ERBB4: variants seen among roughly 807,000 people sequenced by gnomAD.
ERBB4 encodes erb-b2 receptor tyrosine kinase 4, also known as receptor tyrosine-protein kinase erbB-4.
ERBB4 carries 42 observed loss-of-function variants against 158.0 expected under a neutral mutation model. That is an observed-to-expected ratio of 0.27 (90% CI 0.21 to 0.34). The LOEUF is 0.34. ERBB4 is among the 10% of genes least tolerant of loss of function. ERBB4 has a pLI of 1.00. For missense variants in ERBB4, 1,333 were observed against 1,624.1 expected, an observed-to-expected ratio of 0.82 and a Z score of 3.08; for synonymous variants, 583 against 558.7, an observed-to-expected ratio of 1.04 and a Z score of -0.61.
At chr2:211,593,339 A>G (rs1436064143) in intron 19 of ERBB4, among the ~76,000 whole-genome samples, 1 of 152,180 alleles carries the variant, frequency 6.6e-6, no homozygotes, top group Non-Finnish European at 1.5e-5. Context: ...TATTAACAGA[A>G]AGTGGAAACG....
At chr2:212,297,557 C>T (rs2106197960) in intron 1 of ERBB4, among the ~76,000 whole-genome samples, 1 of 151,926 alleles carries the variant, frequency 6.6e-6, no homozygotes, top group East Asian at 1.9e-4. Flanking sequence ...CTAATATTTT[C>T]ATTTTGCAAA....
chr2:212,348,535 C>T (rs925644224), intron 1 of ERBB4, among the ~76,000 whole-genome samples: 1 of 152,096 alleles, frequency 6.6e-6, no homozygotes, highest in Non-Finnish European at 1.5e-5. Flanking sequence ...AAATTCGTAA[C>T]ACATCGTCAC....
chr2:212,249,458 T>TAAAAAAAA (rs1367516706), intron 1 of ERBB4, among the ~76,000 whole-genome samples: 1 of 100,848 alleles, frequency 9.9e-6, no homozygotes, highest in African/African-American at 3.7e-5. Flanking sequence ...GGTTGAAACA[T>TAAAAAAAA]ACAATTAGCT....
chr2:212,200,784 A>C (rs887698222), intron 1 of ERBB4, among the ~76,000 whole-genome samples: 1 of 152,184 alleles, frequency 6.6e-6, no homozygotes, highest in East Asian at 1.9e-4. Context: ...GGAAAATCCA[A>C]AAGGAAATAT....
chr2:211,426,363 T>G (rs1420581512), intron 22 of ERBB4, among the ~76,000 whole-genome samples: 1 of 152,152 alleles, frequency 6.6e-6, no homozygotes, highest in African/African-American at 2.4e-5. Context: ...CTAGTGAGAA[T>G]TTTCCATAAA....
At chr2:211,758,078 C>T (rs541301896) in intron 4 of ERBB4, among the ~76,000 whole-genome samples, 16 of 152,202 alleles carry the variant, frequency 1.1e-4, no homozygotes, top group South Asian at 2.1e-4. Flanking sequence ...CTAAGATTGT[C>T]GATTATCACT....
chr2:211,510,510 C>A (rs1243503131), intron 20 of ERBB4, among the ~76,000 whole-genome samples: 1 of 152,084 alleles, frequency 6.6e-6, no homozygotes, highest in Non-Finnish European at 1.5e-5. Context: ...GTGCCATTGA[C>A]TCTTTAGATG....
chr2:211,772,884 T>C (rs867303172), intron 4 of ERBB4, among the ~76,000 whole-genome samples: 66 of 83,016 alleles, frequency 8.0e-4, no homozygotes, highest in East Asian at 4.0e-3. Flanking sequence ...TATATATATA[T>C]ACACACACAC....
At chr2:211,600,603 C>T (rs7556879) in intron 19 of ERBB4, among the ~76,000 whole-genome samples, 122,067 of 152,060 alleles carry the variant, frequency 0.8, 50,001 homozygotes, top group Non-Finnish European at 0.88. Context: ...GTAAATATCT[C>T]TTTATTCAGA....
At position 211,379,554 on chromosome 2, in the gene ERBB4, T is replaced by C. The variant is rs893214046; in HGVS notation, c.*4061A>G. On this transcript the variant is annotated 3_prime_UTR_variant, in exon 28 of 28. Transcript: ENST00000342788. ...CTATGCAAAATCCATCCTACATTTT[T>C]ATATCCTGCATTTAACTTTGTTACA... 4.3e-6 allele frequency: 1 copy of C among 231,010 alleles called. No individual in the cohort carries two copies. The highest frequency in any genetic ancestry group is 2.2e-5 in the African/African-American group (1 of 45,242). 14.3% of individuals were successfully genotyped at this position (231,010 alleles called of 1,614,324 possible).
intron 1 of ERBB4, among the ~76,000 whole-genome samples, chr2:212,302,960 G>A (rs1219367793): frequency 1.3e-5 from 2 of 151,436 alleles, no homozygotes; most frequent in African/African-American, 2.4e-5. Flanking sequence ...GAAAGAGGGG[G>A]AGGAGAAAGA....
Position 212,133,396 on chromosome 2 carries a change from G to GTTTTTTTTTTTT in ERBB4, c.83-8494_83-8493insAAAAAAAAAAAA, listed in dbSNP as rs575131971. 2.9e-5 allele frequency among the ~76,000 whole-genome samples: 4 copies of GTTTTTTTTTTTT among 137,138 alleles called. 1 individual carries two copies. Among genetic ancestry groups the GTTTTTTTTTTTT allele is most frequent in the African/African-American group, 1.2e-4 (4 of 33,848 alleles). The allele number at this position is 137,138 out of a possible 152,430, so 90.0% of individuals were successfully genotyped here. ...TGTTCTGCTTTCTTTTCATTTTGGT[G>GTTTTTTTTTTTT]TTTTTTTTTTGTTTTGTTTTGTTTT... is the stretch of plus-strand genomic sequence containing the variant. On this transcript the variant is annotated intron_variant, in intron 1 of 27. Coordinates refer to ENST00000342788, the MANE Select transcript of ERBB4 (RefSeq NM_005235.3).
intron 3 of ERBB4, among the ~76,000 whole-genome samples, chr2:211,795,378 G>C (rs901174056): frequency 4.0e-5 from 6 of 151,716 alleles, no homozygotes; most frequent in African/African-American, 1.5e-4. Flanking sequence ...TCGCATAGTT[G>C]CTTCTATTAT....
chr2:211,920,334 A>G (rs746381759), intron 3 of ERBB4, among the ~76,000 whole-genome samples: 1 of 151,932 alleles, frequency 6.6e-6, no homozygotes, highest in Non-Finnish European at 1.5e-5. Context: ...TTTGCTATAT[A>G]GTTTTATTTT....
At chr2:212,426,183 A>T in intron 1 of ERBB4, 1 of 452,576 alleles carries the variant, frequency 2.2e-6, no homozygotes, top group Non-Finnish European at 4.3e-6. Flanking sequence ...ATCACTCTTT[A>T]TAGAAGGCTC....
chr2:212,174,243 C>T (rs1452896399), intron 1 of ERBB4, among the ~76,000 whole-genome samples: 1 of 152,026 alleles, frequency 6.6e-6, no homozygotes, highest in East Asian at 1.9e-4. Flanking sequence ...GATTTTTCAG[C>T]TTAATGCTAT....
intron 1 of ERBB4, among the ~76,000 whole-genome samples, chr2:212,498,983 A>T (rs1234286233): frequency 6.6e-6 from 1 of 152,042 alleles, no homozygotes; most frequent in Non-Finnish European, 1.5e-5. Context: ...AACCCACAGC[A>T]GGGTCATGGC....
At chr2:211,671,975 CT>C (rs1227949930) in intron 14 of ERBB4, among the ~76,000 whole-genome samples, 1 of 152,114 alleles carries the variant, frequency 6.6e-6, no homozygotes, top group Admixed American at 6.6e-5. Context: ...GCCTTTTACA[CT>C]TTGGTTCTTC....
intron 2 of ERBB4, among the ~76,000 whole-genome samples, chr2:212,055,023 T>C (rs957692046): frequency 6.6e-6 from 1 of 151,962 alleles, no homozygotes; most frequent in Non-Finnish European, 1.5e-5. Flanking sequence ...CCGGGAAGCA[T>C]AAAGGGTCAG....
Sources: allele counts gnomAD v4.1 joint callset (sites outside exome capture counted in the v4.1 genomes callset), GRCh38; gene constraint gnomAD v4.1.1; transcripts MANE v1.5; gene names NCBI Gene and HGNC (gene_info 2026-07-23, HGNC 2026-07-21).